Variants in RBFOX1 observed in about 807,000 individuals in gnomAD.
RBFOX1 encodes the protein RNA binding fox-1 homolog 1.
RBFOX1 carries 8 observed loss-of-function variants against 57.7 expected under a neutral mutation model. The observed-to-expected ratio is 0.14, with a 90% CI of 0.08 to 0.25. The LOEUF is 0.25. Ranked by LOEUF, RBFOX1 falls within the 10% of genes least tolerant of loss-of-function variation. RBFOX1 has a pLI of 1.00. For synonymous variants in RBFOX1, 326 were observed against 222.4 expected (o/e 1.47, Z -4.15); for missense variants, 611 against 548.5 (o/e 1.11, Z -1.14).
chr16:5,485,862 A>T (rs1398069374), intron 2 of RBFOX1, among the ~76,000 whole-genome samples: 1 of 152,280 alleles, frequency 6.6e-6, no homozygotes, highest in East Asian at 1.9e-4. Context: ...CTGTTACTGA[A>T]CACTGTGATC....
At chr16:5,290,667 C>T (rs1360962997) in intron 1 of RBFOX1, among the ~76,000 whole-genome samples, 1 of 150,624 alleles carries the variant, frequency 6.6e-6, no homozygotes, top group Non-Finnish European at 1.5e-5. Context: ...AGTGAAGTCC[C>T]TGAGGTTGAT....
intron 3 of RBFOX1, among the ~76,000 whole-genome samples, chr16:6,920,486 G>A (rs751857005): frequency 5.3e-5 from 8 of 152,134 alleles, no homozygotes; most frequent in South Asian, 2.1e-4. Context: ...AGGGAGCACC[G>A]AGTCCACAGA....
chr16:7,711,656 T>TA lies in RBFOX1; in HGVS notation c.*919dup, dbSNP rs563450623. On this transcript the variant is annotated 3_prime_UTR_variant, in exon 16 of 16. Transcript: ENST00000550418. ...AAAAACTTAAATTCTTTGTACCAGTTAAAAAAAATGTATAAAATTTACATC... is the reference window on the plus strand; with the variant it reads ...AAAAACTTAAATTCTTTGTACCAGTTAAAAAAAAATGTATAAAATTTACATC... 1.4e-3 allele frequency: 210 copies of TA among 152,428 alleles called. No homozygotes were observed. The highest frequency in any genetic ancestry group is 1.5e-3 in the Non-Finnish European group (105 of 67,962). The allele number at this position is 152,428 out of a possible 1,614,324, so 9.4% of individuals were successfully genotyped here.
chr16:7,175,229 G>T (rs1445025495), intron 4 of RBFOX1, among the ~76,000 whole-genome samples: 1 of 151,840 alleles, frequency 6.6e-6, no homozygotes, highest in African/African-American at 2.4e-5. Flanking sequence ...GCCCCAGTGT[G>T]TGTTGTTCCT....
chr16:6,382,964 G>A (rs1384825030), intron 2 of RBFOX1, among the ~76,000 whole-genome samples: 1 of 152,206 alleles, frequency 6.6e-6, no homozygotes, highest in Non-Finnish European at 1.5e-5. Flanking sequence ...ATCCTGACAA[G>A]CCAGTATTTA....
At chr16:5,847,581 G>A (rs187937282) in intron 3 of RBFOX1, among the ~76,000 whole-genome samples, 11 of 152,276 alleles carry the variant, frequency 7.2e-5, no homozygotes, top group Non-Finnish European at 1.3e-4. Context: ...GAACTGGAGA[G>A]CAACATGGTT....
At chr16:6,782,846 A>G (rs1216735603) in intron 3 of RBFOX1, among the ~76,000 whole-genome samples, 2 of 152,150 alleles carry the variant, frequency 1.3e-5, no homozygotes, top group Admixed American at 6.5e-5. Context: ...ATTCCCAACT[A>G]TCATTGTGCT....
chr16:6,436,734 AAC>A (rs2094246173), intron 2 of RBFOX1, among the ~76,000 whole-genome samples: 1 of 152,082 alleles, frequency 6.6e-6, no homozygotes, highest in South Asian at 2.1e-4. Context: ...CCCCAAACCA[AAC>A]ACAGTTTCCG....
chr16:7,265,208 C>G (rs538118466), intron 4 of RBFOX1, among the ~76,000 whole-genome samples: 1 of 151,958 alleles, frequency 6.6e-6, no homozygotes, highest in Non-Finnish European at 1.5e-5. Flanking sequence ...GTGGCTTAGA[C>G]AACAGAAATC....
intron 2 of RBFOX1, among the ~76,000 whole-genome samples, chr16:6,323,858 C>T (rs1239857844): frequency 1.3e-5 from 2 of 151,984 alleles, no homozygotes; most frequent in African/African-American, 4.8e-5. Context: ...CTGCAACCTA[C>T]ATCTCCAAGA....
chr16:5,303,887 A>T (rs964480393), intron 1 of RBFOX1, among the ~76,000 whole-genome samples: 2 of 152,020 alleles, frequency 1.3e-5, no homozygotes, highest in Non-Finnish European at 2.9e-5. Context: ...GGAGGCCCAC[A>T]CCCTGCATAT....
chr16:6,951,313 C>G (rs1251471042), intron 3 of RBFOX1, among the ~76,000 whole-genome samples: 3 of 152,158 alleles, frequency 2.0e-5, no homozygotes, highest in Non-Finnish European at 4.4e-5. Flanking sequence ...AGGCTGGATA[C>G]TGGAGTCATT....
chr16:5,431,006 G>C (rs1257348774), intron 1 of RBFOX1, among the ~76,000 whole-genome samples: 1 of 152,186 alleles, frequency 6.6e-6, no homozygotes, highest in Non-Finnish European at 1.5e-5. Flanking sequence ...TGGATATTGG[G>C]AGTTAAGAGA....
chr16:5,249,268 C>T (rs764231991), intron 1 of RBFOX1, among the ~76,000 whole-genome samples: 1 of 152,170 alleles, frequency 6.6e-6, no homozygotes, highest in Non-Finnish European at 1.5e-5. Context: ...ATGGGGTGCC[C>T]TGGTTTCCTT....
chr16:7,285,988 G>A (rs1456377386), intron 4 of RBFOX1, among the ~76,000 whole-genome samples: 1 of 152,102 alleles, frequency 6.6e-6, no homozygotes, highest in Non-Finnish European at 1.5e-5. Flanking sequence ...TTCCATCCGG[G>A]TAAGTAGACT....
intron 3 of RBFOX1, among the ~76,000 whole-genome samples, chr16:6,686,088 T>G (rs1027270255): frequency 1.3e-5 from 2 of 152,190 alleles, no homozygotes; most frequent in Non-Finnish European, 2.9e-5. Flanking sequence ...CAGCACTGCA[T>G]TATTTCATTT....
At chr16:5,916,309 G>C (rs925315252) in intron 4 of RBFOX1, among the ~76,000 whole-genome samples, 2 of 151,998 alleles carry the variant, frequency 1.3e-5, no homozygotes, top group African/African-American at 4.8e-5. Context: ...TCCTTTGTTG[G>C]AGTTTGTCTT....
intron 1 of RBFOX1, among the ~76,000 whole-genome samples, chr16:6,043,674 A>G (rs888935764): frequency 6.6e-6 from 1 of 152,112 alleles, no homozygotes; most frequent in African/African-American, 2.4e-5. Flanking sequence ...GAAGAGACAT[A>G]GGATTTTATT....
At chr16:5,965,507 A>T (rs1268639265) in intron 4 of RBFOX1, among the ~76,000 whole-genome samples, 8 of 152,334 alleles carry the variant, frequency 5.3e-5, no homozygotes, top group Admixed American at 3.9e-4. Flanking sequence ...ACTCAGGCAG[A>T]ACTAAACACA....
Sources: allele counts gnomAD v4.1 joint callset (sites outside exome capture counted in the v4.1 genomes callset), GRCh38; gene constraint gnomAD v4.1.1; transcripts MANE v1.5; gene names NCBI Gene and HGNC (gene_info 2026-07-23, HGNC 2026-07-21).